The following HMCN2 variants were observed in gnomAD, a reference collection of about 807,000 sequenced individuals.
HMCN2 encodes hemicentin 2, also known as hemicentin-2.
A neutral mutation model predicts 377.5 loss-of-function variants in HMCN2; 325 were observed. The observed-to-expected ratio is 0.86, with a 90% CI of 0.79 to 0.94. The LOEUF (loss-of-function observed/expected upper bound fraction) is 0.94. Ranked by LOEUF, HMCN2 falls within the 40% of genes least tolerant of loss-of-function variation. The probability of loss-of-function intolerance (pLI) is 0.00; values close to 1 mark genes in which losing one functional copy is unlikely to be tolerated. For missense variants in HMCN2, 4,543 were observed against 4,725.3 expected, an observed-to-expected ratio of 0.96 and a Z score of 1.13; for synonymous variants, 2,007 against 2,046.8, an observed-to-expected ratio of 0.98 and a Z score of 0.53.
intron 4 of HMCN2, among the ~76,000 whole-genome samples, chr9:130,287,773 A>G (rs1016029187): frequency 6.6e-6 from 1 of 152,148 alleles, no homozygotes; most frequent in Non-Finnish European, 1.5e-5. Context: ...TAGCTGGTGA[A>G]TGGACAGGGT....
At chr9:130,306,478 G>A (rs1457724260) in intron 12 of HMCN2, among the ~76,000 whole-genome samples, 1 of 152,174 alleles carries the variant, frequency 6.6e-6, no homozygotes, top group Non-Finnish European at 1.5e-5. Flanking sequence ...AGCTCAGGCT[G>A]TATGGACCTG....
rs78356552 is a variant in HMCN2, at chr9:130,421,325, T to C, written c.13232-1252T>C. ...CCACACCGTGCTGCGTATCTTTGTG[T>C]GTGGCCCTGAAGATTTCTGTGGGAC... On this transcript the variant is annotated intron_variant, in intron 86 of 97. Transcript: ENST00000683500. Among the ~76,000 whole-genome samples, 561 of 152,332 alleles carry C rather than the reference T, an allele frequency of 3.7e-3. 10 individuals are homozygous for C. Among genetic ancestry groups the C allele is most frequent in the East Asian group, 0.019 (97 of 5,182 alleles).
intron 94 of HMCN2, 84 bp from the exon 95 acceptor site, chr9:130,430,200 A>C (rs1159584180): frequency 2.6e-6 from 3 of 1,144,198 alleles, no homozygotes; most frequent in Non-Finnish European, 3.7e-6. Context: ...TGCCAACAAG[A>C]GAGAAGGCAG....
rs1844057644 is a variant in HMCN2 at position 130,422,177 on chromosome 9, C to T, written c.13232-400C>T. On this transcript the variant is annotated intron_variant, in intron 86 of 97. Coordinates refer to ENST00000683500, the MANE Select transcript of HMCN2 (RefSeq NM_001291815.2). This position sits in a 1 kb window ranked among gnomAD's most constrained non-coding sequence, Gnocchi z 4.2. ...CCGGCTCTGGCTCGGTGCCCTGGCT[C>T]CTTCAGTGTGCCAGCCACGCCATCG... 6.6e-6 allele frequency among the ~76,000 whole-genome samples: 1 copy of T among 152,222 alleles called. No homozygotes were observed.
chr9:130,302,986 A>G lies in HMCN2; in HGVS notation c.1406A>G (p.Glu469Gly). ...QLRRGEARLGEERHFQESGNS... is the reference protein window; with the variant it reads ...QLRRGEARLGGERHFQESGNS... Reference sequence around the variant, plus strand: ...CGGCGAGGTGAAGCCAGGCTGGGCGAAGAGAGGCACTTTCAGTGAGTGGCC... The same window carrying G: ...CGGCGAGGTGAAGCCAGGCTGGGCGGAGAGAGGCACTTTCAGTGAGTGGCC... Residue 469 changes from glutamate (E) to glycine (G), a missense_variant, in exon 9 of 98, where the codon GAA (glutamate) becomes GGA (glycine). Physicochemically the swap from Glu to Gly is moderately conservative, Grantham distance 98. This residue lies in a region of HMCN2 where 547 missense variants were observed against 189.9 expected (regional missense o/e 2.88). Coordinates refer to ENST00000683500, the MANE Select transcript of HMCN2 (RefSeq NM_001291815.2). 2.1e-6 allele frequency: 1 copy of G among 469,906 alleles called. No homozygotes were observed. The highest frequency in any genetic ancestry group is 1.6e-5 in the South Asian group (1 of 64,408). The allele number at this position is 469,906 out of a possible 1,614,324, so 29.1% of individuals were successfully genotyped here. A position where few individuals can be genotyped will look rare whatever the true frequency, so the allele number is the denominator to read the frequency against.
chr9:130,334,830 T>TCTCC (rs1415998047), intron 22 of HMCN2, among the ~76,000 whole-genome samples: 6 of 148,756 alleles, frequency 4.0e-5, no homozygotes, highest in Non-Finnish European at 6.0e-5. Flanking sequence ...TCTCTCTCTC[T>TCTCC]CTCCCTCCCT....
At chr9:130,286,122 C>T (rs937645376) in intron 3 of HMCN2, 66 bp from the exon 4 acceptor site, 23 of 462,968 alleles carry the variant, frequency 5.0e-5, no homozygotes, top group Non-Finnish European at 8.1e-5. Context: ...TGGTCGAGGT[C>T]CTGCTGCTCA....
chr9:130,387,679 G>T (rs7865806), intron 61 of HMCN2, among the ~76,000 whole-genome samples: 18,826 of 152,188 alleles, frequency 0.12, 1,302 homozygotes, highest in African/African-American at 0.18. Flanking sequence ...AACGGGCTGA[G>T]GGGACACCAG....
Position 130,317,591 on chromosome 9 carries a change from T to G in HMCN2, c.2351-1904T>G, listed in dbSNP as rs1344138631. ...CTCCCTCCAACCTCTGCCTCCTGGG[T>G]TCAAGCGATTCTCCTGCTTCAGCCT... On this transcript the variant is annotated intron_variant, in intron 15 of 97. Transcript: ENST00000683500. Among the ~76,000 whole-genome samples the G allele has an allele frequency of 4.7e-5, 7 of 148,772 alleles. No homozygotes were observed. In the East Asian group the frequency reaches 1.0e-3, roughly 22 times the overall value.
At chr9:130,378,429 C>T (rs999273304) in intron 53 of HMCN2, among the ~76,000 whole-genome samples, 2 of 14,486 alleles carry the variant, frequency 1.4e-4, no homozygotes, top group African/African-American at 3.0e-4. Context: ...AGGGGGAGGC[C>T]GGGAGGGGGA....
At chr9:130,293,420 C>T (rs1835924905) in intron 4 of HMCN2, among the ~76,000 whole-genome samples, 1 of 151,106 alleles carries the variant, frequency 6.6e-6, no homozygotes, top group Non-Finnish European at 1.5e-5. Flanking sequence ...AGCTCACTGT[C>T]TTTCAGTTTT....
At chr9:130,331,007 A>AC (rs1838396280) in intron 22 of HMCN2, among the ~76,000 whole-genome samples, 2,083 of 150,856 alleles carry the variant, frequency 0.014, 57 homozygotes, top group African/African-American at 0.048. Flanking sequence ...ACACACACAC[A>AC]AATAGCCGGA....
intron 1 of HMCN2, among the ~76,000 whole-genome samples, chr9:130,268,388 T>C (rs1187473900): frequency 2.7e-5 from 4 of 150,142 alleles, no homozygotes; most frequent in African/African-American, 9.7e-5. Flanking sequence ...GGTTCAGACG[T>C]CGGGGAGACT....
intron 4 of HMCN2, among the ~76,000 whole-genome samples, chr9:130,288,559 C>T (rs1835550375): frequency 6.6e-6 from 1 of 152,236 alleles, no homozygotes; most frequent in South Asian, 2.1e-4. Flanking sequence ...GCTGGGAGAA[C>T]TCCCCAGAAG....
At chr9:130,348,122 G>C (rs773532060) in intron 26 of HMCN2, 18 of 826,590 alleles carry the variant, frequency 2.2e-5, no homozygotes, top group Non-Finnish European at 2.5e-5. Context: ...AACGCCACCT[G>C]CTGCTTCCCC....
At chr9:130,368,490 C>T in intron 44 of HMCN2, 53 bp downstream of exon 44, 1 of 951,802 alleles carries the variant, frequency 1.1e-6, no homozygotes, top group Non-Finnish European at 1.3e-6. Flanking sequence ...ACTGGCTGGG[C>T]AGGCGCTGCC....
chr9:130,422,609 G>A lies in HMCN2; in HGVS notation c.13264G>A (p.Gly4422Arg). The A allele has an allele frequency of 1.5e-6, 2 of 1,330,552 alleles. No individual in the cohort carries two copies. The highest frequency in any genetic ancestry group is 1.9e-6 in the Non-Finnish European group (2 of 1,034,522). 82.4% of individuals were successfully genotyped at this position (1,330,552 alleles called of 1,614,324 possible). A position where few individuals can be genotyped will look rare whatever the true frequency, so the allele number is the denominator to read the frequency against. ...CCAGGGGAGCTGGGGCAGCATGACT[G>A]GGGTGATAAATGGCCGGAAATTTGG... ...EPQGSWGSMT[G>R]VINGRKFGVA... The change falls in exon 87 of 98, where the codon GGG becomes AGG. Residue 4422 changes from glycine to arginine, a missense_variant. Around this residue, in one of 5 missense-constraint regions of HMCN2, gnomAD observed 1,155 missense variants for 1,157.7 expected, o/e 1.00. Coordinates refer to ENST00000683500, the MANE Select transcript of HMCN2 (RefSeq NM_001291815.2). This position sits in a 1 kb window ranked among gnomAD's most constrained non-coding sequence, Gnocchi z 4.2.
intron 62 of HMCN2, 132 bp from the exon 63 acceptor site, chr9:130,390,845 G>C (rs549852894): frequency 2.0e-6 from 1 of 496,724 alleles, no homozygotes; most frequent in East Asian, 1.5e-4. Context: ...AAATGAGGAA[G>C]GCTTCTAAGG....
chr9:130,405,991 A>T lies in HMCN2; in HGVS notation c.12376A>T (p.Asn4126Tyr). Residue 4126 changes from asparagine (N) to tyrosine (Y), a missense_variant, in exon 82 of 98, where the codon AAC (asparagine) becomes TAC (tyrosine). Around this residue, in one of 5 missense-constraint regions of HMCN2, gnomAD observed 1,073 missense variants for 1,319.5 expected, o/e 0.81. Coordinates refer to ENST00000683500, the MANE Select transcript of HMCN2 (RefSeq NM_001291815.2). Reference sequence around the variant, plus strand: ...AGGCACCTATACCTGTACCGCTGAGAACGCCGTGGGCCGGGCCCGCCGCCG... The same window carrying T: ...AGGCACCTATACCTGTACCGCTGAGTACGCCGTGGGCCGGGCCCGCCGCCG... ...DAGTYTCTAE[N>Y]AVGRARRRVH... 7.8e-7 allele frequency: 1 copy of T among 1,289,414 alleles called. No homozygotes were observed. The highest frequency in any genetic ancestry group is 1.0e-6 in the Non-Finnish European group (1 of 988,750). The allele number at this position is 1,289,414 out of a possible 1,614,324, so 79.9% of individuals were successfully genotyped here.
Sources: allele counts gnomAD v4.1 joint callset (sites outside exome capture counted in the v4.1 genomes callset), GRCh38; gene constraint gnomAD v4.1.1; regional missense constraint gnomAD v4.1.1; non-coding constraint Gnocchi (gnomAD v3.1); transcripts MANE v1.5; gene names NCBI Gene and HGNC (gene_info 2026-07-23, HGNC 2026-07-21).